Variants in PDXK observed in about 807,000 individuals in gnomAD.
PDXK encodes epididymis secretory sperm binding protein Li 1a.
A neutral mutation model predicts 43.2 loss-of-function variants in PDXK; 15 were observed. That is an observed-to-expected ratio of 0.35 (90% CI 0.23 to 0.53). The LOEUF is 0.53. Among genes scored for constraint, PDXK ranks in the 20% least tolerant of loss-of-function variants. The pLI is 0.92. For missense variants in PDXK, 343 were observed against 417.0 expected (o/e 0.82, Z 1.54); for synonymous variants, 172 against 165.4 (o/e 1.04, Z -0.31).
At position 43,737,413 on chromosome 21, in the gene PDXK, T is replaced by C. The variant is rs1339863593; in HGVS notation, c.142+3290T>C. On this transcript the variant is annotated intron_variant, in intron 2 of 10. Coordinates refer to ENST00000291565, the MANE Select transcript of PDXK (RefSeq NM_003681.5). This position sits in a 1 kb window ranked among gnomAD's most constrained non-coding sequence, Gnocchi z 4.8. ...AGCTGGGCTTGGCAGAGCCTCCACC[T>C]TGTGGCCAGTATTCCCAGTGGCCCC... 2 of 1,133,008 alleles carry C rather than the reference T, an allele frequency of 1.8e-6. No homozygotes were observed. The highest frequency in any genetic ancestry group is 2.2e-6 in the Non-Finnish European group (2 of 918,622). 70.2% of individuals were successfully genotyped at this position (1,133,008 alleles called of 1,614,324 possible).
intron 1 of PDXK, among the ~76,000 whole-genome samples, chr21:43,727,629 G>A (rs2083267560): frequency 6.6e-6 from 1 of 152,194 alleles, no homozygotes; most frequent in Admixed American, 6.5e-5. Context: ...GCTGTGCAGT[G>A]CACACAGGTT....
intron 1 of PDXK, among the ~76,000 whole-genome samples, chr21:43,733,181 C>T (rs2083343146): frequency 6.6e-6 from 1 of 151,944 alleles, no homozygotes; most frequent in African/African-American, 2.4e-5. Flanking sequence ...TAGCTCAACT[C>T]ATCATCACAA....
Position 43,755,689 on chromosome 21 carries a change from T to C in PDXK, c.760-9T>C. On this transcript the variant is annotated splice_polypyrimidine_tract_variant and intron_variant, in intron 9 of 10. Coordinates refer to ENST00000291565, the MANE Select transcript of PDXK (RefSeq NM_003681.5). ...GGCCAGGGGCACAGCAAGTCTGTCC[T>C]CCCTGCAGGTGGCCTGTGAGAAGAC... The C allele has an allele frequency of 6.2e-6, 10 of 1,610,990 alleles. No individual in the cohort carries two copies. Among genetic ancestry groups the C allele is most frequent in the Non-Finnish European group, 8.5e-6 (10 of 1,177,178 alleles).
chr21:43,742,363 G>A (rs1223602984), intron 3 of PDXK, among the ~76,000 whole-genome samples: 1 of 152,060 alleles, frequency 6.6e-6, no homozygotes, highest in East Asian at 1.9e-4. Flanking sequence ...GTGGGTGTGT[G>A]TGGAGACAGG....
intron 8 of PDXK, among the ~76,000 whole-genome samples, chr21:43,753,191 C>T (rs990420281): frequency 1.3e-5 from 2 of 152,052 alleles, no homozygotes; most frequent in African/African-American, 4.8e-5. Context: ...CACACATACA[C>T]ACGGGCACAC....
At chr21:43,736,662 T>A (rs759070758) in intron 2 of PDXK, among the ~76,000 whole-genome samples, 28 of 142,092 alleles carry the variant, frequency 2.0e-4, no homozygotes, top group Non-Finnish European at 3.3e-4. Flanking sequence ...AGACAAGGTC[T>A]CCCTCTGTCA....
intron 1 of PDXK, among the ~76,000 whole-genome samples, chr21:43,724,590 C>T (rs1009267473): frequency 4.6e-5 from 7 of 151,764 alleles, no homozygotes; most frequent in African/African-American, 1.5e-4. Context: ...ACCTATAATC[C>T]CAGTACTTTA....
chr21:43,724,640 G>T (rs2083236036), intron 1 of PDXK, among the ~76,000 whole-genome samples: 1 of 151,056 alleles, frequency 6.6e-6, no homozygotes, highest in Non-Finnish European at 1.5e-5. Context: ...CTGGGAGTTT[G>T]AGACCACCGT....
In PDXK at chr21:43,741,670, A is replaced by G. The variant is rs1430376297; in HGVS notation, c.146A>G (p.Tyr49Cys). ...NSVQFSNHTG[Y>C]AHWKGQVLNS... ...CCATGGCTTCCTCTGCCTCTAGGCT[A>G]TGCCCACTGGAAGGGCCAAGTGCTG... The change falls in exon 3 of 11, where the codon TAT becomes TGT. Residue 49 changes from tyrosine (Y) to cysteine (C), a missense_variant. Coordinates refer to ENST00000291565, the MANE Select transcript of PDXK (RefSeq NM_003681.5). 3.7e-6 allele frequency: 6 copies of G among 1,611,782 alleles called. No homozygotes were observed. The highest frequency in any genetic ancestry group is 1.1e-5 in the South Asian group (1 of 91,004).
chr21:43,733,941 C>T lies in PDXK; in HGVS notation c.88-128C>T, dbSNP rs555074712. On this transcript the variant is annotated intron_variant, in intron 1 of 10. Transcript: ENST00000291565. ...CTGCTCTGATGCGTCAGCCCTCCAG[C>T]CTGCAGCTGGGGGCCCCGTGCCAGC... is the stretch of plus-strand genomic sequence containing the variant. 7 of 841,242 alleles carry T rather than the reference C, an allele frequency of 8.3e-6. No individual in the cohort carries two copies. The African/African-American group carries it at 1.2e-4, about 14-fold the overall frequency. 52.1% of individuals were successfully genotyped at this position (841,242 alleles called of 1,614,324 possible). A position where few individuals can be genotyped will look rare whatever the true frequency, so the allele number is the denominator to read the frequency against.
intron 7 of PDXK, among the ~76,000 whole-genome samples, chr21:43,750,961 C>CAT (rs1555885784): frequency 0.026 from 912 of 35,358 alleles, 6 homozygotes; most frequent in Admixed American, 0.072. Context: ...CATGTGTGTG[C>CAT]ATGTGTGTGT....
At chr21:43,719,746 G>A (rs753118082) in intron 1 of PDXK, 2 of 985,344 alleles carry the variant, frequency 2.0e-6, no homozygotes, top group African/African-American at 3.5e-5. Flanking sequence ...AGGAAATGTC[G>A]CAGAGCCCCG....
rs931044919 is a variant in PDXK, at chr21:43,737,487, G to A, written c.142+3364G>A. ...CCTGTCTGAGCTTCCCGGACTGAGGGCACTGGGAAGGAGCCTGCGGAGCTG... is the reference window on the plus strand; with the variant it reads ...CCTGTCTGAGCTTCCCGGACTGAGGACACTGGGAAGGAGCCTGCGGAGCTG... On this transcript the variant is annotated intron_variant, in intron 2 of 10. Transcript: ENST00000291565. This position sits in a 1 kb window ranked among gnomAD's most constrained non-coding sequence, Gnocchi z 4.8. 14 of 1,048,090 alleles carry A rather than the reference G, an allele frequency of 1.3e-5. No homozygotes were observed. Among genetic ancestry groups the A allele is most frequent in the Admixed American group, 5.0e-5 (1 of 19,808 alleles). The allele number at this position is 1,048,090 out of a possible 1,614,324, so 64.9% of individuals were successfully genotyped here.
intron 1 of PDXK, among the ~76,000 whole-genome samples, chr21:43,726,210 G>A (rs1441555928): frequency 6.7e-6 from 1 of 149,142 alleles, no homozygotes; most frequent in Non-Finnish European, 1.5e-5. Flanking sequence ...TGTTATTCTT[G>A]TTTGGCTGTC....
In PDXK at chr21:43,756,172, TTC is replaced by T; in HGVS notation, c.*111_*112del. On this transcript the variant is annotated 3_prime_UTR_variant, in exon 11 of 11. Coordinates refer to ENST00000291565, the MANE Select transcript of PDXK (RefSeq NM_003681.5). Reference sequence around the variant, plus strand: ...GCCATGACCGAAACTTGATATTTTTTTCTTTCATGAGTGTCCGGCATCTGCTG... The same window carrying T: ...GCCATGACCGAAACTTGATATTTTTTTTTCATGAGTGTCCGGCATCTGCTG... 1.5e-6 allele frequency: 1 copy of T among 649,836 alleles called. No homozygotes were observed. The highest frequency in any genetic ancestry group is 2.7e-6 in the Non-Finnish European group (1 of 370,420). The allele number at this position is 649,836 out of a possible 1,614,324, so 40.3% of individuals were successfully genotyped here. A position where few individuals can be genotyped will look rare whatever the true frequency, so the allele number is the denominator to read the frequency against.
chr21:43,736,997 C>T, intron 2 of PDXK: 1 of 703,336 alleles, frequency 1.4e-6, no homozygotes, highest in Non-Finnish European at 2.6e-6. Context: ...TGAAGTGGCG[C>T]AACCAGCTCA....
intron 1 of PDXK, chr21:43,719,765 C>T (rs557862147): frequency 1.3e-5 from 13 of 985,340 alleles, no homozygotes; most frequent in Non-Finnish European, 1.6e-5. Flanking sequence ...CGAGGAGTCC[C>T]GGAGCAGTCA....
intron 1 of PDXK, among the ~76,000 whole-genome samples, chr21:43,722,847 C>CT (rs1427858860): frequency 1.3e-5 from 2 of 151,890 alleles, no homozygotes; most frequent in African/African-American, 2.4e-5. Flanking sequence ...TTCTTTCTTT[C>CT]TTTTTTTTGA....
chr21:43,743,486 G>A (rs1323062068), intron 3 of PDXK, among the ~76,000 whole-genome samples: 1 of 87,434 alleles, frequency 1.1e-5, no homozygotes, highest in African/African-American at 4.8e-5. Flanking sequence ...AGCACTGTGG[G>A]GACACCTCAC....
Sources: gnomAD v4.1 joint callset for allele counts (sites outside exome capture counted in the v4.1 genomes callset) on GRCh38, gnomAD v4.1.1 for gene constraint, Gnocchi (gnomAD v3.1) non-coding constraint, MANE v1.5 for transcripts, NCBI Gene and HGNC (gene_info 2026-07-23, HGNC 2026-07-21) for gene names.